SLC24A3: variants seen among roughly 807,000 people sequenced by gnomAD.
The protein encoded by SLC24A3 is solute carrier family 24 member 3, also known as sodium/potassium/calcium exchanger 3.
SLC24A3 carries 28 observed loss-of-function variants against 75.8 expected under a neutral mutation model. The observed-to-expected ratio is 0.37, with a 90% confidence interval of 0.27 to 0.51. SLC24A3 has a LOEUF of 0.51. SLC24A3 is among the 20% of genes least tolerant of loss of function. SLC24A3 has a pLI of 0.94. For missense variants in SLC24A3, 663 were observed against 847.8 expected (o/e 0.78, Z 2.71); for synonymous variants, 372 against 334.1 (o/e 1.11, Z -1.24).
intron 6 of SLC24A3, among the ~76,000 whole-genome samples, chr20:19,639,246 T>C (rs1445443882): frequency 2.0e-5 from 3 of 152,170 alleles, no homozygotes; most frequent in Non-Finnish European, 2.9e-5. Flanking sequence ...AGAGTGTCAA[T>C]TGGTGCATTC....
At chr20:19,651,026 T>C (rs2032196379) in intron 6 of SLC24A3, among the ~76,000 whole-genome samples, 1 of 152,168 alleles carries the variant, frequency 6.6e-6, no homozygotes, top group Admixed American at 6.5e-5. Context: ...TTATCATCCT[T>C]CTAAATTCTC....
chr20:19,621,148 A>G (rs1205334806), intron 6 of SLC24A3, among the ~76,000 whole-genome samples: 1 of 152,200 alleles, frequency 6.6e-6, no homozygotes, highest in Non-Finnish European at 1.5e-5. Context: ...CACAAAAGTA[A>G]AACACTGAAC....
At chr20:19,647,535 G>C (rs1164756041) in intron 6 of SLC24A3, among the ~76,000 whole-genome samples, 1 of 152,196 alleles carries the variant, frequency 6.6e-6, no homozygotes, top group Non-Finnish European at 1.5e-5. Context: ...GGGCACTGCA[G>C]GGAACAGCCC....
intron 1 of SLC24A3, among the ~76,000 whole-genome samples, chr20:19,259,830 G>GT (rs1279793309): frequency 6.6e-6 from 1 of 152,122 alleles, no homozygotes; most frequent in Non-Finnish European, 1.5e-5. Flanking sequence ...TCTATTTATA[G>GT]TTTTTTCCCC....
At chr20:19,559,125 G>A (rs1012559315) in intron 3 of SLC24A3, among the ~76,000 whole-genome samples, 3 of 152,130 alleles carry the variant, frequency 2.0e-5, no homozygotes, top group African/African-American at 7.2e-5. Flanking sequence ...GCTCTCACAA[G>A]CACTTGATAT....
At chr20:19,447,025 C>G (rs531981861) in intron 2 of SLC24A3, among the ~76,000 whole-genome samples, 2 of 152,134 alleles carry the variant, frequency 1.3e-5, no homozygotes, top group South Asian at 4.1e-4. Context: ...TCCCACAAAG[C>G]TGGAGCAATG....
chr20:19,280,016 A>G (rs1440037094), intron 1 of SLC24A3, among the ~76,000 whole-genome samples: 2 of 152,200 alleles, frequency 1.3e-5, no homozygotes, highest in East Asian at 1.9e-4. Context: ...GCTTTGTGGT[A>G]CTGTAATCTT....
At chr20:19,406,225 T>A (rs868716617) in intron 2 of SLC24A3, among the ~76,000 whole-genome samples, 2,653 of 151,892 alleles carry the variant, frequency 0.017, 79 homozygotes, top group African/African-American at 0.061. Context: ...TGTGTGTGTG[T>A]GTGAGAGAGA....
chr20:19,244,271 G>A (rs1481400465), intron 1 of SLC24A3: 1 of 152,138 alleles, frequency 6.6e-6, no homozygotes, highest in Non-Finnish European at 1.5e-5. Flanking sequence ...TGCCTGGTAG[G>A]GCTACAATGC....
At position 19,719,379 on chromosome 20, in the gene SLC24A3, G is replaced by C. The variant is rs115374913; in HGVS notation, c.1786-1612G>C. Among the ~76,000 whole-genome samples, 951 of 152,276 alleles carry C rather than the reference G, an allele frequency of 6.2e-3. 13 individuals are homozygous for C. The highest frequency in any genetic ancestry group is 0.021 in the African/African-American group (884 of 41,548). ...TGCCAATTAGAATAATCCAGGGATG[G>C]AGTTGGGGCATGTGCTAGAGGAGAG... On this transcript the variant is annotated intron_variant, in intron 16 of 16. Transcript: ENST00000328041.
At chr20:19,625,593 G>A (rs531781411) in intron 6 of SLC24A3, among the ~76,000 whole-genome samples, 6 of 152,272 alleles carry the variant, frequency 3.9e-5, no homozygotes, top group South Asian at 2.1e-4. Flanking sequence ...TATGTCCATC[G>A]TCAGTATTAC....
chr20:19,308,550 C>G (rs936684908), intron 2 of SLC24A3, among the ~76,000 whole-genome samples: 19 of 152,320 alleles, frequency 1.2e-4, no homozygotes, highest in Admixed American at 1.1e-3. Context: ...TGCCAAGTCT[C>G]CCATTCATTT....
Position 19,565,282 on chromosome 20 carries a change from A to T in SLC24A3, c.349-14718A>T, listed in dbSNP as rs992213664. Among the ~76,000 whole-genome samples, 7 of 152,226 alleles carry T rather than the reference A, an allele frequency of 4.6e-5. No homozygotes were observed. The South Asian group carries it at 1.5e-3, about 32-fold the overall frequency. Reference sequence around the variant, plus strand: ...TTCCTTGTTTGTGTGTCTATCCAGCAGCTCTGTGTGCTTTGCTACGAATGT... The same window carrying T: ...TTCCTTGTTTGTGTGTCTATCCAGCTGCTCTGTGTGCTTTGCTACGAATGT... On this transcript the variant is annotated intron_variant, in intron 3 of 16. Coordinates refer to ENST00000328041, the MANE Select transcript of SLC24A3 (RefSeq NM_020689.4).
intron 1 of SLC24A3, among the ~76,000 whole-genome samples, chr20:19,258,174 G>C (rs538950440): frequency 1.3e-5 from 2 of 152,294 alleles, no homozygotes; most frequent in African/African-American, 4.8e-5. Context: ...GCCATCCTGG[G>C]GAGGCCCAGC....
intron 2 of SLC24A3, among the ~76,000 whole-genome samples, chr20:19,343,636 G>A (rs1025902042): frequency 6.6e-6 from 1 of 152,150 alleles, no homozygotes; most frequent in African/African-American, 2.4e-5. Context: ...TTGGAATTGT[G>A]CAGACAGAGG....
chr20:19,608,386 G>A (rs2031626303), intron 6 of SLC24A3, among the ~76,000 whole-genome samples: 1 of 152,134 alleles, frequency 6.6e-6, no homozygotes, highest in Non-Finnish European at 1.5e-5. Flanking sequence ...GTTACTGGTT[G>A]GTAAATGATT....
At chr20:19,434,828 G>A (rs1954274444) in intron 2 of SLC24A3, among the ~76,000 whole-genome samples, 1 of 151,818 alleles carries the variant, frequency 6.6e-6, no homozygotes, top group African/African-American at 2.4e-5. Context: ...TAAGGGGAAT[G>A]GTGACTGCTA....
chr20:19,607,856 G>A lies in SLC24A3; in HGVS notation c.612+22312G>A, dbSNP rs113000555. Among the ~76,000 whole-genome samples the A allele has an allele frequency of 4.1e-4, 63 of 152,314 alleles. 1 individual carries two copies. The highest frequency in any genetic ancestry group is 1.4e-3 in the African/African-American group (58 of 41,560). On this transcript the variant is annotated intron_variant, in intron 6 of 16. Coordinates refer to ENST00000328041, the MANE Select transcript of SLC24A3 (RefSeq NM_020689.4). ...TCTGACGTTGCCTCTTGCCTGAAAG[G>A]CCCCCTTTGCTGGTCACATCCCAGT...
chr20:19,280,178 T>C (rs1983617074), intron 1 of SLC24A3, among the ~76,000 whole-genome samples: 2 of 152,202 alleles, frequency 1.3e-5, no homozygotes, highest in Non-Finnish European at 2.9e-5. Context: ...GTGTGCTCTT[T>C]AGCCTGTGTT....
Sources: allele counts gnomAD v4.1 joint callset (sites outside exome capture counted in the v4.1 genomes callset), GRCh38; gene constraint gnomAD v4.1.1; transcripts MANE v1.5; gene names NCBI Gene and HGNC (gene_info 2026-07-23, HGNC 2026-07-21).